The following CCDC33 variants were observed in gnomAD, a reference collection of about 807,000 sequenced individuals.
The protein encoded by CCDC33 is coiled-coil domain-containing protein 33.
In CCDC33, 94 loss-of-function variants were observed where a neutral mutation model predicts 91.9. The observed-to-expected ratio is 1.02, with a 90% CI of 0.87 to 1.21. The LOEUF (loss-of-function observed/expected upper bound fraction) is 1.21, where lower values mean the gene tolerates loss of function less well. CCDC33 is among the 50% of genes most tolerant of loss of function. CCDC33 has a pLI of 0.00. For synonymous variants in CCDC33, 396 were observed against 374.5 expected (o/e 1.06, Z -0.66); for missense variants, 940 against 935.5 (o/e 1.00, Z -0.06).
rs145798245 is a variant in CCDC33 at position 74,247,006 on chromosome 15, G to A, written c.185+2858G>A. On this transcript the variant is annotated intron_variant, in intron 2 of 18. Transcript: ENST00000398814. ...CTAAAAATACAAAAATTAGCCGAGC[G>A]TGGTAGCAGGCACCTGTAATCCTAG... Among the ~76,000 whole-genome samples the A allele has an allele frequency of 3.6e-4, 55 of 152,044 alleles. 3 individuals are homozygous for A. In the East Asian group the frequency reaches 0.01, roughly 29 times the overall value.
intron 1 of CCDC33, among the ~76,000 whole-genome samples, chr15:74,206,288 AG>A (rs2074260199): frequency 6.6e-6 from 1 of 152,204 alleles, no homozygotes; most frequent in Non-Finnish European, 1.5e-5. Flanking sequence ...ATCCATGGAT[AG>A]CGGGTGGCCG....
intron 7 of CCDC33, among the ~76,000 whole-genome samples, chr15:74,277,931 G>A (rs2076491921): frequency 6.6e-6 from 1 of 152,146 alleles, no homozygotes; most frequent in Admixed American, 6.5e-5. Context: ...TGAGTCACAG[G>A]TGCCCCAATG....
chr15:74,271,324 C>G (rs1345165970), intron 5 of CCDC33, among the ~76,000 whole-genome samples: 1 of 152,168 alleles, frequency 6.6e-6, no homozygotes, highest in Middle Eastern at 3.2e-3. Flanking sequence ...GCTGGAACAC[C>G]TAGCCCTACC....
chr15:74,330,532 A>G, intron 12 of CCDC33, 131 bp from the exon 13 acceptor site: 1 of 1,076,370 alleles, frequency 9.3e-7, no homozygotes, highest in South Asian at 1.4e-5. Flanking sequence ...CCTCTCAGGG[A>G]TGGGAAACAG....
intron 2 of CCDC33, among the ~76,000 whole-genome samples, chr15:74,229,424 C>T (rs143679702): frequency 0.02 from 2,988 of 152,174 alleles, 101 homozygotes; most frequent in African/African-American, 0.068. Flanking sequence ...ACTTGGGAAG[C>T]GGAGGTTGCA....
At chr15:74,258,763 C>T (rs1215467424) in intron 2 of CCDC33, among the ~76,000 whole-genome samples, 1 of 152,156 alleles carries the variant, frequency 6.6e-6, no homozygotes, top group Non-Finnish European at 1.5e-5. Flanking sequence ...CATGCTTTTC[C>T]GATGCTCATT....
At chr15:74,286,273 C>A (rs1274609845) in intron 10 of CCDC33, among the ~76,000 whole-genome samples, 1 of 152,024 alleles carries the variant, frequency 6.6e-6, no homozygotes, top group Non-Finnish European at 1.5e-5. Flanking sequence ...AACAAAAAAA[C>A]TCCATGAGCC....
rs370100083 is a variant in CCDC33, at chr15:74,271,747, C to A, written c.591C>A (p.Asn197Lys). Residue 197 changes from asparagine to lysine, a missense_variant, in exon 6 of 19, where the codon AAC becomes AAA. By Grantham distance (94) the Asn-to-Lys change is moderately conservative. Coordinates refer to ENST00000398814, the MANE Select transcript of CCDC33 (RefSeq NM_025055.5). ...GVNEPLANNP[N>K]PIVVIARVVP... ...ACGAGCCCCTGGCCAACAACCCCAA[C>A]CCCATAGTGGTGATTGCCCGGGTCG... is the stretch of plus-strand genomic sequence containing the variant. 5 of 1,613,834 alleles carry A rather than the reference C, an allele frequency of 3.1e-6. No individual in the cohort carries two copies. In the African/African-American group the frequency reaches 5.3e-5, roughly 17 times the overall value.
At chr15:74,227,032 G>A (rs2074822445) in intron 2 of CCDC33, among the ~76,000 whole-genome samples, 1 of 152,106 alleles carries the variant, frequency 6.6e-6, no homozygotes, top group South Asian at 2.1e-4. Flanking sequence ...TGTACCAGAG[G>A]CTGCTCTGGG....
At chr15:74,280,141 T>G (rs920849949) in intron 8 of CCDC33, 49 bp downstream of exon 8, 2 of 1,608,112 alleles carry the variant, frequency 1.2e-6, no homozygotes, top group African/African-American at 2.7e-5. Flanking sequence ...TCAGGAGATC[T>G]GTATTATGAA....
At chr15:74,221,253 T>C in intron 2 of CCDC33, 4 of 242,924 alleles carry the variant, frequency 1.6e-5, no homozygotes, top group Non-Finnish European at 2.2e-5. Context: ...TCACCAGAAC[T>C]GATGATGGTC....
intron 7 of CCDC33, among the ~76,000 whole-genome samples, chr15:74,275,303 T>C (rs538867964): frequency 3.3e-4 from 51 of 152,324 alleles, no homozygotes; most frequent in Admixed American, 9.1e-4. Context: ...TTAGGAGAAC[T>C]CAAAGGATAA....
chr15:74,293,850 G>T (rs190446231), intron 10 of CCDC33, among the ~76,000 whole-genome samples: 268 of 152,282 alleles, frequency 1.8e-3, no homozygotes, highest in African/African-American at 5.9e-3. Context: ...GGAGTTGGGG[G>T]ACATAGAGCC....
intron 18 of CCDC33, 68 bp from the exon 19 acceptor site, chr15:74,335,857 A>C (rs2060555282): frequency 8.2e-7 from 1 of 1,223,108 alleles, no homozygotes; most frequent in East Asian, 2.3e-5. Context: ...TTGTCAGGCA[A>C]TATGCCCTTG....
At chr15:74,326,434 C>T (rs568033323) in intron 11 of CCDC33, among the ~76,000 whole-genome samples, 14 of 152,366 alleles carry the variant, frequency 9.2e-5, no homozygotes, top group Non-Finnish European at 1.9e-4. Context: ...TCTCTCTCCA[C>T]AGCAACCCCC....
intron 1 of CCDC33, chr15:74,207,974 T>C (rs2074300813): frequency 7.0e-7 from 1 of 1,426,156 alleles, no homozygotes; most frequent in Non-Finnish European, 9.2e-7. Context: ...TCCCCTGCCA[T>C]GTGGGAGGGT....
intron 2 of CCDC33, among the ~76,000 whole-genome samples, chr15:74,256,200 C>T (rs2075857152): frequency 6.6e-6 from 1 of 152,168 alleles, no homozygotes; most frequent in Admixed American, 6.5e-5. Context: ...CTCCAGTCGC[C>T]AGCACTAGGG....
rs1025056808 is a variant in CCDC33 at position 74,281,784 on chromosome 15, A to G, written c.1030A>G (p.Ser344Gly). ...HVERLPIMDT[S>G]LKTINDEAPT... Reference sequence around the variant, plus strand: ...GCTCCCTTTTCCTCCCCAGGACACCAGCCTGAAAACTATCAATGATGAGGC... The same window carrying G: ...GCTCCCTTTTCCTCCCCAGGACACCGGCCTGAAAACTATCAATGATGAGGC... Residue 344 changes from serine (S) to glycine (G), a missense_variant, in exon 10 of 19, where the codon AGC becomes GGC. Transcript: ENST00000398814. 4.3e-6 allele frequency: 7 copies of G among 1,613,744 alleles called. No individual in the cohort carries two copies. The African/African-American group carries it at 9.3e-5, about 22-fold the overall frequency.
intron 11 of CCDC33, among the ~76,000 whole-genome samples, chr15:74,308,581 G>A (rs1336464414): frequency 6.6e-6 from 1 of 152,122 alleles, no homozygotes; most frequent in African/African-American, 2.4e-5. Context: ...TGTGGGCTGC[G>A]CCTTTAAATC....
Sources: allele counts gnomAD v4.1 joint callset (sites outside exome capture counted in the v4.1 genomes callset), GRCh38; gene constraint gnomAD v4.1.1; transcripts MANE v1.5; gene names NCBI Gene and HGNC (gene_info 2026-07-23, HGNC 2026-07-21).